Variants in BAZ2B observed in about 807,000 individuals in gnomAD.
BAZ2B encodes the protein bromodomain adjacent to zinc finger domain protein 2B.
Under a neutral mutation model 246.0 loss-of-function variants are expected in BAZ2B, and 91 were observed. The ratio of observed to expected loss-of-function variants is 0.37; its 90% CI spans 0.31 to 0.44. BAZ2B has a LOEUF of 0.44. Among genes scored for constraint, BAZ2B ranks in the 20% least tolerant of loss-of-function variants. The pLI is 1.00. For synonymous variants in BAZ2B, 855 were observed against 860.0 expected, an observed-to-expected ratio of 0.99 and a Z score of 0.10; for missense variants, 2,332 against 2,533.7, an observed-to-expected ratio of 0.92 and a Z score of 1.71.
chr2:159,488,677 A>T (rs2080112594), intron 2 of BAZ2B, among the ~76,000 whole-genome samples: 1 of 152,200 alleles, frequency 6.6e-6, no homozygotes, highest in Admixed American at 6.5e-5. Flanking sequence ...ATATTACACA[A>T]AAATGAAACA....
the BAZ2B span, among the ~76,000 whole-genome samples, chr2:159,631,597 A>G: frequency 6.6e-6 from 1 of 152,230 alleles, no homozygotes; most frequent in African/African-American, 2.4e-5. Context: ...GCCAATTTGA[A>G]GGGTCCAATA....
chr2:159,467,928 T>C (rs1178371576), intron 3 of BAZ2B, among the ~76,000 whole-genome samples: 1 of 152,168 alleles, frequency 6.6e-6, no homozygotes, highest in Non-Finnish European at 1.5e-5. Context: ...AACAGCAGGC[T>C]TATCAACTAA....
rs2082402391 is a variant in BAZ2B at position 159,507,025 on chromosome 2, G to A, written c.-2-28304C>T. On this transcript the variant is annotated intron_variant, in intron 2 of 36. Transcript: ENST00000392783. Reference sequence around the variant, plus strand: ...TCAGGTGCAATACTTTGTGGAGCAGGTCAACATAAAAGTAATGGTACTTCT... The same window carrying A: ...TCAGGTGCAATACTTTGTGGAGCAGATCAACATAAAAGTAATGGTACTTCT... Among the ~76,000 whole-genome samples, 2 of 152,094 alleles carry A rather than the reference G, an allele frequency of 1.3e-5. 1 individual carries two copies. Among genetic ancestry groups the A allele is most frequent in the Non-Finnish European group, 2.9e-5 (2 of 68,012 alleles).
intron 2 of BAZ2B, among the ~76,000 whole-genome samples, chr2:159,494,657 C>G (rs2080873304): frequency 6.6e-6 from 1 of 152,244 alleles, no homozygotes; most frequent in East Asian, 1.9e-4. Flanking sequence ...TGGCTGGGCA[C>G]CTGGAATGCC....
intron 2 of BAZ2B, among the ~76,000 whole-genome samples, chr2:159,546,797 C>T (rs1298317487): frequency 1.3e-5 from 2 of 151,958 alleles, no homozygotes; most frequent in South Asian, 2.1e-4. Flanking sequence ...TATATTTGCA[C>T]ACTCAGGTCC....
At chr2:159,569,354 T>A (rs897124316) in intron 1 of BAZ2B, among the ~76,000 whole-genome samples, 1 of 152,166 alleles carries the variant, frequency 6.6e-6, no homozygotes, top group Non-Finnish European at 1.5e-5. Context: ...TATCAACTTT[T>A]GCAACACGTG....
chr2:159,371,246 G>A (rs996715864), intron 27 of BAZ2B, among the ~76,000 whole-genome samples: 4 of 152,104 alleles, frequency 2.6e-5, no homozygotes, highest in African/African-American at 9.7e-5. Context: ...GGGTTCAAGC[G>A]ATTCTTGTGC....
At chr2:159,561,864 T>C (rs939894761) in intron 1 of BAZ2B, among the ~76,000 whole-genome samples, 2 of 152,232 alleles carry the variant, frequency 1.3e-5, no homozygotes, top group African/African-American at 2.4e-5. Context: ...AAGTTTATGT[T>C]TGGGGAAACA....
At chr2:159,559,276 A>C (rs77121640) in intron 1 of BAZ2B, among the ~76,000 whole-genome samples, 1 of 152,020 alleles carries the variant, frequency 6.6e-6, no homozygotes, top group Non-Finnish European at 1.5e-5. Flanking sequence ...GAGATAAAAC[A>C]CATTACTCTC....
At chr2:159,401,012 C>T (rs997509719) in intron 16 of BAZ2B, among the ~76,000 whole-genome samples, 1 of 151,824 alleles carries the variant, frequency 6.6e-6, no homozygotes, top group Non-Finnish European at 1.5e-5. Flanking sequence ...CACTGCACTC[C>T]AGCCTGGGCG....
rs186513636 is a variant in BAZ2B at position 159,418,422 on chromosome 2, T to C, written c.2467-5877A>G. ...TTCACCTTATCTTATAGACAGTAAA[T>C]TGCCCAATTAACTGGGTTTCCCACA... On this transcript the variant is annotated intron_variant, in intron 13 of 36. Coordinates refer to ENST00000392783, the MANE Select transcript of BAZ2B (RefSeq NM_013450.4). 2.0e-5 allele frequency among the ~76,000 whole-genome samples: 3 copies of C among 152,272 alleles called. No individual in the cohort carries two copies. The East Asian group carries it at 5.8e-4, about 29-fold the overall frequency.
the BAZ2B span, among the ~76,000 whole-genome samples, chr2:159,659,522 C>T: frequency 6.6e-6 from 1 of 152,158 alleles, no homozygotes; most frequent in African/African-American, 2.4e-5. Flanking sequence ...GGGTTTTCCC[C>T]ACCACTTTAA....
At chr2:159,447,110 T>G (rs1323378789) in intron 5 of BAZ2B, 135 bp from the exon 6 acceptor site, 3 of 595,616 alleles carry the variant, frequency 5.0e-6, no homozygotes, top group Non-Finnish European at 7.9e-6. Flanking sequence ...TCATGTTGTA[T>G]GATTCCATCT....
At chr2:159,468,919 T>C (rs10206557) in intron 3 of BAZ2B, among the ~76,000 whole-genome samples, 130,244 of 151,732 alleles carry the variant, frequency 0.86, 56,416 homozygotes, top group East Asian at 0.93. Context: ...GGTGTGGTGG[T>C]GGGTGCCTGT....
chr2:159,485,508 T>A (rs1559586255), intron 2 of BAZ2B, among the ~76,000 whole-genome samples: 1 of 152,136 alleles, frequency 6.6e-6, no homozygotes. Flanking sequence ...TTTACCACTA[T>A]AAACAAACAA....
At chr2:159,425,243 T>C (rs1490220594) in intron 13 of BAZ2B, among the ~76,000 whole-genome samples, 4 of 152,294 alleles carry the variant, frequency 2.6e-5, no homozygotes, top group South Asian at 2.1e-4. Context: ...TGCAGTGGCC[T>C]GATCTCGGCT....
intron 35 of BAZ2B, among the ~76,000 whole-genome samples, chr2:159,325,271 T>G (rs1339112907): frequency 6.7e-6 from 1 of 148,368 alleles, no homozygotes; most frequent in South Asian, 2.1e-4. Flanking sequence ...GCTGGGATTA[T>G]GGGTGCACGC....
intron 2 of BAZ2B, among the ~76,000 whole-genome samples, chr2:159,498,590 C>A (rs1219078985): frequency 2.0e-5 from 3 of 152,134 alleles, no homozygotes; most frequent in Admixed American, 2.0e-4. Context: ...CTTCATTATA[C>A]ACAAAATTAA....
chr2:159,544,818 T>C (rs2087110042), intron 2 of BAZ2B, among the ~76,000 whole-genome samples: 1 of 152,184 alleles, frequency 6.6e-6, no homozygotes, highest in African/African-American at 2.4e-5. Context: ...AGTATATTTG[T>C]CGCTAAAGGA....
Sources: gnomAD v4.1 joint callset for allele counts (sites outside exome capture counted in the v4.1 genomes callset) on GRCh38, gnomAD v4.1.1 for gene constraint, MANE v1.5 for transcripts, NCBI Gene and HGNC (gene_info 2026-07-23, HGNC 2026-07-21) for gene names.